SLCO3A1: variants seen among roughly 807,000 people sequenced by gnomAD.
SLCO3A1 encodes the protein solute carrier organic anion transporter family member 3A1, also known as PGE1 transporter.
Under a neutral mutation model 63.1 loss-of-function variants are expected in SLCO3A1, and 27 were observed. The observed-to-expected ratio is 0.43, with a 90% CI of 0.32 to 0.59. SLCO3A1 has a LOEUF of 0.59. SLCO3A1 is among the 20% of genes least tolerant of loss of function. The pLI, the probability that SLCO3A1 is intolerant of heterozygous loss-of-function variation, is 0.09. For missense variants in SLCO3A1, 773 were observed against 945.8 expected (o/e 0.82, Z 2.40); for synonymous variants, 473 against 409.9 (o/e 1.15, Z -1.86).
intron 2 of SLCO3A1, among the ~76,000 whole-genome samples, chr15:92,041,524 C>G (rs2046796210): frequency 6.6e-6 from 1 of 152,186 alleles, no homozygotes; most frequent in African/African-American, 2.4e-5. Flanking sequence ...CAATGGTAGA[C>G]TATGCCAGCC....
intron 2 of SLCO3A1, among the ~76,000 whole-genome samples, chr15:91,964,854 G>A (rs970833214): frequency 1.3e-5 from 2 of 152,064 alleles, no homozygotes; most frequent in Non-Finnish European, 2.9e-5. Context: ...CTTGCTCAGG[G>A]TCACAGAGCG....
chr15:91,988,137 G>A (rs2046078249), intron 2 of SLCO3A1, among the ~76,000 whole-genome samples: 2 of 152,096 alleles, frequency 1.3e-5, no homozygotes, highest in Non-Finnish European at 2.9e-5. Context: ...GTGCGGTGGT[G>A]CACGCCTATA....
At chr15:91,877,162 A>C (rs1265636058) in intron 1 of SLCO3A1, among the ~76,000 whole-genome samples, 1 of 152,222 alleles carries the variant, frequency 6.6e-6, no homozygotes, top group African/African-American at 2.4e-5. Flanking sequence ...GATGTGAAAG[A>C]ATCTTTTCCC....
chr15:92,009,504 T>C (rs1484719345), intron 2 of SLCO3A1, among the ~76,000 whole-genome samples: 1 of 152,156 alleles, frequency 6.6e-6, no homozygotes, highest in East Asian at 1.9e-4. Flanking sequence ...GTACAGCCTG[T>C]GCAATAAGTA....
intron 2 of SLCO3A1, among the ~76,000 whole-genome samples, chr15:92,045,904 C>G (rs2046856053): frequency 6.6e-6 from 1 of 152,158 alleles, no homozygotes; most frequent in Admixed American, 6.5e-5. Context: ...TTGGCTCAGC[C>G]TTTGATCCCA....
rs140993903 is a variant in SLCO3A1, at chr15:92,099,756, G to T, written c.746-4523G>T. Among the ~76,000 whole-genome samples, 231 of 152,236 alleles carry T rather than the reference G, an allele frequency of 1.5e-3. 1 individual carries two copies. The highest frequency in any genetic ancestry group is 4.9e-3 in the African/African-American group (203 of 41,560). The stretch of plus-strand genomic sequence containing the variant: ...CAGAAGTCAGATACAAAGAGTGGAA[G>T]GGTTAGAAAAATTGATCTTGTAAGG... On this transcript the variant is annotated intron_variant, in intron 3 of 9. Coordinates refer to ENST00000318445, the MANE Select transcript of SLCO3A1 (RefSeq NM_013272.4).
At chr15:91,870,684 T>C (rs1338174271) in intron 1 of SLCO3A1, among the ~76,000 whole-genome samples, 1 of 151,890 alleles carries the variant, frequency 6.6e-6, no homozygotes, top group African/African-American at 2.4e-5. Context: ...AACTCCATAG[T>C]TGTCTGTTTT....
chr15:91,898,353 A>G (rs1486826675), intron 1 of SLCO3A1, among the ~76,000 whole-genome samples: 1 of 152,202 alleles, frequency 6.6e-6, no homozygotes, highest in Non-Finnish European at 1.5e-5. Flanking sequence ...AATATTTCTA[A>G]TACTGTATTA....
At position 91,912,715 on chromosome 15, in the gene SLCO3A1, C is replaced by T. The variant is rs1313440438; in HGVS notation, c.181-3278C>T. Among the ~76,000 whole-genome samples the T allele has an allele frequency of 6.6e-6, 1 of 152,194 alleles. No homozygotes were observed. The highest frequency in any genetic ancestry group is 1.5e-5 in the Non-Finnish European group (1 of 68,034). On this transcript the variant is annotated intron_variant, in intron 1 of 9. Coordinates refer to ENST00000318445, the MANE Select transcript of SLCO3A1 (RefSeq NM_013272.4). This position sits in a 1 kb window ranked among gnomAD's most constrained non-coding sequence, Gnocchi z 5.0. ...TCTCTCCCTTCCCCCTACTTTGTTA[C>T]CCTCCAGCCTCATGGTGGGTCCTAA...
At chr15:92,069,242 A>G (rs2047188277) in intron 2 of SLCO3A1, among the ~76,000 whole-genome samples, 1 of 152,194 alleles carries the variant, frequency 6.6e-6, no homozygotes, top group Non-Finnish European at 1.5e-5. Flanking sequence ...TACAATGCCC[A>G]GAACAGCCCC....
intron 2 of SLCO3A1, among the ~76,000 whole-genome samples, chr15:91,919,565 C>A (rs1898774730): frequency 6.6e-6 from 1 of 152,240 alleles, no homozygotes; most frequent in African/African-American, 2.4e-5. Context: ...TGGGCCCCTA[C>A]TGAGGTCGGA....
intron 2 of SLCO3A1, among the ~76,000 whole-genome samples, chr15:91,987,190 C>T (rs2046064493): frequency 6.6e-6 from 1 of 152,134 alleles, no homozygotes; most frequent in Admixed American, 6.5e-5. Flanking sequence ...AATAAGGGAA[C>T]AAAACCCAGT....
intron 2 of SLCO3A1, among the ~76,000 whole-genome samples, chr15:91,953,453 T>C (rs1356541959): frequency 6.6e-6 from 1 of 152,076 alleles, no homozygotes; most frequent in East Asian, 1.9e-4. Context: ...GTCAGGCCTC[T>C]TGGGGAGGCT....
chr15:92,088,145 G>A (rs985976839), intron 2 of SLCO3A1, among the ~76,000 whole-genome samples: 2 of 152,200 alleles, frequency 1.3e-5, no homozygotes, highest in African/African-American at 4.8e-5. Flanking sequence ...GCCAAGAAGA[G>A]TCACTCACTC....
At chr15:91,890,497 A>G (rs996587041) in intron 1 of SLCO3A1, among the ~76,000 whole-genome samples, 12 of 152,200 alleles carry the variant, frequency 7.9e-5, no homozygotes, top group African/African-American at 2.7e-4. Flanking sequence ...CCAGAGCTCT[A>G]TCCCCTATGC....
chr15:91,889,689 T>C (rs1484607033), intron 1 of SLCO3A1, among the ~76,000 whole-genome samples: 1 of 152,270 alleles, frequency 6.6e-6, no homozygotes, highest in African/African-American at 2.4e-5. Flanking sequence ...CATGTTCCTT[T>C]AGGCAGTTTG....
chr15:92,012,739 AT>A (rs1444307217), intron 2 of SLCO3A1, among the ~76,000 whole-genome samples: 3 of 83,810 alleles, frequency 3.6e-5, no homozygotes, highest in East Asian at 4.7e-4. Context: ...GCTGTCTCTA[AT>A]TTAAAAAAAA....
intron 1 of SLCO3A1, among the ~76,000 whole-genome samples, chr15:91,880,460 A>G (rs1210168581): frequency 6.9e-6 from 1 of 144,030 alleles, no homozygotes; most frequent in Admixed American, 6.9e-5. Flanking sequence ...GTGTGGATTA[A>G]TGTGACCACC....
chr15:91,930,061 G>A (rs1056399089), intron 2 of SLCO3A1, among the ~76,000 whole-genome samples: 1 of 152,076 alleles, frequency 6.6e-6, no homozygotes, highest in Non-Finnish European at 1.5e-5. Flanking sequence ...GTATCCTAAG[G>A]TGTGTTAAAC....
Sources: gnomAD v4.1 joint callset for allele counts (sites outside exome capture counted in the v4.1 genomes callset) on GRCh38, gnomAD v4.1.1 for gene constraint, Gnocchi (gnomAD v3.1) non-coding constraint, MANE v1.5 for transcripts, NCBI Gene and HGNC (gene_info 2026-07-23, HGNC 2026-07-21) for gene names.